Variants in CPED1 observed in about 807,000 individuals in gnomAD.
CPED1 encodes cadherin like and PC-esterase domain containing 1, also known as cadherin-like and PC-esterase domain-containing protein 1.
CPED1 carries 114 observed loss-of-function variants against 128.2 expected under a neutral mutation model. The ratio of observed to expected loss-of-function variants is 0.89; its 90% CI spans 0.76 to 1.04. The LOEUF (loss-of-function observed/expected upper bound fraction) is 1.04, where lower values mean the gene tolerates loss of function less well. CPED1 is among the 50% of genes least tolerant of loss of function. The pLI is 0.00. For missense variants in CPED1, 1,211 were observed against 1,207.1 expected (o/e 1.00, Z -0.05); for synonymous variants, 462 against 426.7 (o/e 1.08, Z -1.02).
intron 18 of CPED1, among the ~76,000 whole-genome samples, chr7:121,252,460 G>C (rs1798702326): frequency 6.6e-6 from 1 of 151,456 alleles, no homozygotes; most frequent in African/African-American, 2.4e-5. Context: ...AGCCAAAATT[G>C]ACAAATGGGA....
chr7:121,271,077 G>C (rs926769825), intron 21 of CPED1, among the ~76,000 whole-genome samples: 3 of 151,960 alleles, frequency 2.0e-5, no homozygotes, highest in African/African-American at 7.2e-5. Flanking sequence ...TGTAGATATT[G>C]CTGTTTTATA....
chr7:121,042,861 C>T (rs536779791), intron 3 of CPED1, among the ~76,000 whole-genome samples: 1 of 152,232 alleles, frequency 6.6e-6, no homozygotes, highest in African/African-American at 2.4e-5. Flanking sequence ...GCCCCCAAAT[C>T]CTAATGCAGT....
chr7:121,184,877 G>T (rs1008286041), intron 16 of CPED1, among the ~76,000 whole-genome samples: 7 of 152,052 alleles, frequency 4.6e-5, no homozygotes, highest in Non-Finnish European at 7.4e-5. Context: ...TTCAATATTG[G>T]ATTGACTATA....
At chr7:121,250,437 C>T (rs1798643420) in intron 18 of CPED1, among the ~76,000 whole-genome samples, 1 of 151,720 alleles carries the variant, frequency 6.6e-6, no homozygotes, top group Non-Finnish European at 1.5e-5. Context: ...CAAACACATT[C>T]AAAAGCTAGC....
At chr7:121,290,177 C>T (rs1464978814) in intron 22 of CPED1, among the ~76,000 whole-genome samples, 5 of 152,164 alleles carry the variant, frequency 3.3e-5, no homozygotes, top group African/African-American at 9.7e-5. Flanking sequence ...ATGGTATATA[C>T]GTGCCACATT....
At chr7:121,238,777 A>G (rs1055349220) in intron 17 of CPED1, among the ~76,000 whole-genome samples, 2 of 150,478 alleles carry the variant, frequency 1.3e-5, no homozygotes, top group Non-Finnish European at 3.0e-5. Context: ...ATTACAGTGT[A>G]CTCATTAATA....
intron 22 of CPED1, among the ~76,000 whole-genome samples, chr7:121,276,348 T>G (rs1485605509): frequency 2.0e-5 from 3 of 152,116 alleles, no homozygotes; most frequent in Admixed American, 2.0e-4. Flanking sequence ...AAATCCTGTT[T>G]ACAAGCTATA....
At chr7:121,136,911 A>G (rs559476536) in intron 14 of CPED1, among the ~76,000 whole-genome samples, 64 of 152,156 alleles carry the variant, frequency 4.2e-4, no homozygotes, top group Non-Finnish European at 6.9e-4. Flanking sequence ...TCCAAAAGAA[A>G]AGAAAAAGAA....
chr7:121,041,806 G>T (rs1793060919), intron 3 of CPED1, among the ~76,000 whole-genome samples: 1 of 152,130 alleles, frequency 6.6e-6, no homozygotes, highest in Non-Finnish European at 1.5e-5. Context: ...CTTAGAGAAG[G>T]ATAAAAACTA....
chr7:121,050,156 T>C (rs1489697298), intron 4 of CPED1, among the ~76,000 whole-genome samples: 2 of 152,196 alleles, frequency 1.3e-5, no homozygotes. Context: ...CCTTGAGCCC[T>C]TCCTCTTCCT....
chr7:121,034,264 T>TTC, intron 3 of CPED1, among the ~76,000 whole-genome samples: 1 of 148,684 alleles, frequency 6.7e-6, no homozygotes, highest in South Asian at 2.2e-4. Context: ...TTTTTTTTTT[T>TTC]TGAGATGGAG....
Position 121,273,002 on chromosome 7 carries a change from TTTC to T in CPED1, c.2868+1575_2868+1577del, listed in dbSNP as rs138177836. Among the ~76,000 whole-genome samples, 410 of 151,770 alleles carry T rather than the reference TTTC, an allele frequency of 2.7e-3. 1 individual carries two copies. The highest frequency in any genetic ancestry group is 5.1e-3 in the Non-Finnish European group (348 of 67,870). ...AAGTCTTGTATAGGTTGTCCAGAAA[TTTC>T]TTGGAATATGATTTTTTTTTGGCTT... On this transcript the variant is annotated intron_variant, in intron 22 of 22. Transcript: ENST00000310396.
chr7:121,159,372 A>G (rs1480531717), intron 16 of CPED1, among the ~76,000 whole-genome samples: 4 of 152,082 alleles, frequency 2.6e-5, no homozygotes, highest in Admixed American at 2.6e-4. Context: ...TTGAGATTAT[A>G]ATTTGGGGGA....
chr7:121,230,563 C>A (rs1417312601), intron 16 of CPED1, among the ~76,000 whole-genome samples: 2 of 151,996 alleles, frequency 1.3e-5, no homozygotes, highest in Admixed American at 6.6e-5. Context: ...CAGCACAGAT[C>A]AAAATGGTTT....
chr7:121,279,229 C>A (rs1259337821), intron 22 of CPED1, among the ~76,000 whole-genome samples: 2 of 151,560 alleles, frequency 1.3e-5, no homozygotes, highest in Non-Finnish European at 2.9e-5. Flanking sequence ...TTTTCCCCAG[C>A]ATTTTTGACC....
intron 5 of CPED1, among the ~76,000 whole-genome samples, chr7:121,071,569 C>A (rs777211284): frequency 2.0e-5 from 3 of 151,866 alleles, no homozygotes; most frequent in African/African-American, 4.8e-5. Flanking sequence ...TCTTTTGAGA[C>A]GAGGTCTCAC....
chr7:121,273,167 G>A lies in CPED1; in HGVS notation c.2868+1737G>A, dbSNP rs145149149. On this transcript the variant is annotated intron_variant, in intron 22 of 22. Coordinates refer to ENST00000310396, the MANE Select transcript of CPED1 (RefSeq NM_024913.5). ...GATGCATTTATTAGTGGGTTGACTCGTGAGGTGACAACTAAAGTTTCCTTC... is the reference window on the plus strand; with the variant it reads ...GATGCATTTATTAGTGGGTTGACTCATGAGGTGACAACTAAAGTTTCCTTC... Among the ~76,000 whole-genome samples, 22 of 152,034 alleles carry A rather than the reference G, an allele frequency of 1.4e-4. No individual in the cohort carries two copies. The East Asian group carries it at 3.9e-3, about 27-fold the overall frequency.
chr7:121,246,081 C>A lies in CPED1; in HGVS notation c.2310+1743C>A, dbSNP rs949444638. Among the ~76,000 whole-genome samples the A allele has an allele frequency of 2.0e-5, 3 of 152,132 alleles. No individual in the cohort carries two copies. The East Asian group carries it at 5.8e-4, about 29-fold the overall frequency. ...CTGGGAGCAATGACAATAGCTGTTG[C>A]CACACAGCCAGACTTCTCTAAGCTC... On this transcript the variant is annotated intron_variant, in intron 18 of 22. Transcript: ENST00000310396.
chr7:121,203,089 A>T (rs1021858138), intron 16 of CPED1, among the ~76,000 whole-genome samples: 1 of 152,150 alleles, frequency 6.6e-6, no homozygotes, highest in Non-Finnish European at 1.5e-5. Context: ...ACCAGAGGAC[A>T]TGATACATCC....
Sources: gnomAD v4.1 joint callset for allele counts (sites outside exome capture counted in the v4.1 genomes callset) on GRCh38, gnomAD v4.1.1 for gene constraint, MANE v1.5 for transcripts, NCBI Gene and HGNC (gene_info 2026-07-23, HGNC 2026-07-21) for gene names.